Variants in ME3 observed in about 807,000 individuals in gnomAD.
ME3 encodes malic enzyme 3.
A neutral mutation model predicts 68.9 loss-of-function variants in ME3; 48 were observed. The observed-to-expected ratio is 0.70, with a 90% CI of 0.55 to 0.89. ME3 has a LOEUF of 0.89. Among genes scored for constraint, ME3 ranks in the 40% least tolerant of loss-of-function variants. The pLI, the probability that ME3 is intolerant of heterozygous loss-of-function variation, is 0.00. For missense variants in ME3, 675 were observed against 797.4 expected, an observed-to-expected ratio of 0.85 and a Z score of 1.85; for synonymous variants, 320 against 318.8, an observed-to-expected ratio of 1.00 and a Z score of -0.04.
chr11:86,656,156 G>A (rs1183887640), intron 2 of ME3, among the ~76,000 whole-genome samples: 1 of 50,100 alleles, frequency 2.0e-5, no homozygotes, highest in Non-Finnish European at 7.9e-5. Context: ...TGGTGGGACT[G>A]TAAACTAGTT....
chr11:86,531,745 A>T (rs960511624), intron 4 of ME3, among the ~76,000 whole-genome samples: 1 of 146,250 alleles, frequency 6.8e-6, no homozygotes, highest in African/African-American at 2.5e-5. Flanking sequence ...AAACTGTCAC[A>T]TGTTCTCACT....
intron 8 of ME3, among the ~76,000 whole-genome samples, chr11:86,459,630 T>C (rs1281253524): frequency 1.3e-5 from 2 of 152,206 alleles, no homozygotes; most frequent in Non-Finnish European, 2.9e-5. Context: ...TGAGCAGTTG[T>C]GGCTGTTAAA....
At chr11:86,618,278 C>T (rs1267415590) in intron 2 of ME3, among the ~76,000 whole-genome samples, 2 of 112,730 alleles carry the variant, frequency 1.8e-5, no homozygotes, top group Non-Finnish European at 3.4e-5. Context: ...CCTGCCTGGG[C>T]GACAGAGCAA....
intron 3 of ME3, among the ~76,000 whole-genome samples, chr11:86,557,845 A>C (rs1260186003): frequency 6.6e-6 from 1 of 152,182 alleles, no homozygotes; most frequent in East Asian, 1.9e-4. Flanking sequence ...CCATCGTACA[A>C]GTATTTACAC....
chr11:86,442,885 G>A, exon 14 of ME3: 2 of 1,613,346 alleles, frequency 1.2e-6, no homozygotes, highest in Middle Eastern at 1.7e-4. Flanking sequence ...TCTCCCCTGG[G>A]ACAGATGCTG....
At chr11:86,471,691 T>G (rs1228136518) in intron 7 of ME3, among the ~76,000 whole-genome samples, 1 of 152,344 alleles carries the variant, frequency 6.6e-6, no homozygotes, top group African/African-American at 2.4e-5. Context: ...ATGCTTGATA[T>G]GGTGGCACAT....
At chr11:86,564,462 G>A (rs1213813674) in intron 2 of ME3, among the ~76,000 whole-genome samples, 11 of 106,510 alleles carry the variant, frequency 1.0e-4, no homozygotes, top group Non-Finnish European at 1.2e-4. Context: ...AAAGCTACAG[G>A]AAAAAAAAAA....
At chr11:86,649,420 C>G (rs1945250107) in intron 2 of ME3, among the ~76,000 whole-genome samples, 1 of 152,174 alleles carries the variant, frequency 6.6e-6, no homozygotes, top group Non-Finnish European at 1.5e-5. Context: ...AGGATGCCCT[C>G]TCTCACCACT....
intron 7 of ME3, among the ~76,000 whole-genome samples, chr11:86,466,538 A>G (rs1950489989): frequency 6.6e-6 from 1 of 151,944 alleles, no homozygotes; most frequent in African/African-American, 2.4e-5. Context: ...GGTGGGGCAC[A>G]TGCTTGGGGG....
chr11:86,572,156 C>T lies in ME3; in HGVS notation c.184-12333G>A, dbSNP rs973017814. ...GGGTATATACTGGAAACAACTAGCACGTCTCACAGCTGGGTTTTGCTGGGC... is the reference window on the plus strand; with the variant it reads ...GGGTATATACTGGAAACAACTAGCATGTCTCACAGCTGGGTTTTGCTGGGC... On this transcript the variant is annotated intron_variant, in intron 2 of 14. Transcript: ENST00000543262. Among the ~76,000 whole-genome samples the T allele has an allele frequency of 7.2e-5, 11 of 152,304 alleles. No homozygotes were observed. In the South Asian group the frequency reaches 1.5e-3, roughly 20 times the overall value.
intron 4 of ME3, among the ~76,000 whole-genome samples, chr11:86,553,854 C>T (rs1261299482): frequency 1.3e-5 from 2 of 152,160 alleles, no homozygotes; most frequent in Non-Finnish European, 2.9e-5. Flanking sequence ...CCCAGAATGC[C>T]CACCAGCTGT....
chr11:86,502,746 CCTG>C (rs1952811801), intron 5 of ME3, among the ~76,000 whole-genome samples: 2 of 152,182 alleles, frequency 1.3e-5, no homozygotes, highest in Non-Finnish European at 2.9e-5. Flanking sequence ...TCATAACTCC[CCTG>C]TCTCTCTGAT....
At chr11:86,628,621 G>A (rs887085840) in intron 2 of ME3, among the ~76,000 whole-genome samples, 1 of 152,100 alleles carries the variant, frequency 6.6e-6, no homozygotes, top group Non-Finnish European at 1.5e-5. Context: ...TGATACTAAG[G>A]TCTATTTTCT....
At position 86,521,423 on chromosome 11, in the gene ME3, C is replaced by CAAA. The variant is rs201957441; in HGVS notation, c.468-12559_468-12557dup. Among the ~76,000 whole-genome samples the CAAA allele has an allele frequency of 5.3e-3, 451 of 85,884 alleles. 6 individuals carry two copies. Among genetic ancestry groups the CAAA allele is most frequent in the African/African-American group, 0.022 (435 of 20,020 alleles). 56.3% of individuals were successfully genotyped at this position (85,884 alleles called of 152,430 possible). On this transcript the variant is annotated intron_variant, in intron 4 of 14. Transcript: ENST00000543262. ...AACAAACAAACAAAACAAAACAAAA[C>CAAA]AAAACAAAAATAATAATAATAATAA...
At position 86,471,821 on chromosome 11, in the gene ME3, C is replaced by T. The variant is rs114409068; in HGVS notation, c.810-6621G>A. Among the ~76,000 whole-genome samples, 1,018 of 152,266 alleles carry T rather than the reference C, an allele frequency of 6.7e-3. 10 individuals carry two copies. Among genetic ancestry groups the T allele is most frequent in the African/African-American group, 0.023 (950 of 41,540 alleles). On this transcript the variant is annotated intron_variant, in intron 7 of 14. Transcript: ENST00000543262. ...CTTAGAAGAACAAAGCAAAACAAAA[C>T]AAACATTTCAAAGTGTCTACTATGA...
chr11:86,568,311 A>T (rs1957597789), intron 2 of ME3, among the ~76,000 whole-genome samples: 1 of 152,160 alleles, frequency 6.6e-6, no homozygotes, highest in Admixed American at 6.6e-5. Context: ...CTCCCAGGGA[A>T]CCTTTGGATC....
At chr11:86,521,399 ACAAACAAAC>A (rs1392205185) in intron 4 of ME3, among the ~76,000 whole-genome samples, 15,721 of 141,334 alleles carry the variant, frequency 0.11, 1,112 homozygotes, top group Non-Finnish European at 0.12. Flanking sequence ...CATCTCAAAA[ACAAACAAAC>A]AAAACAAAAC....
chr11:86,530,519 A>G (rs1201390737), intron 4 of ME3, among the ~76,000 whole-genome samples: 3 of 152,354 alleles, frequency 2.0e-5, no homozygotes, highest in African/African-American at 7.2e-5. Flanking sequence ...ATATGGAACC[A>G]AAAAATAGCC....
intron 2 of ME3, among the ~76,000 whole-genome samples, chr11:86,582,514 T>C (rs1172939619): frequency 6.6e-6 from 1 of 152,036 alleles, no homozygotes. Context: ...GAAGTAGAGG[T>C]GACAACCTTG....
Sources: gnomAD v4.1 joint callset for allele counts (sites outside exome capture counted in the v4.1 genomes callset) on GRCh38, gnomAD v4.1.1 for gene constraint, MANE v1.5 for transcripts, NCBI Gene and HGNC (gene_info 2026-07-23, HGNC 2026-07-21) for gene names.